Variants in KCNS1 observed in about 807,000 individuals in gnomAD.
The protein encoded by KCNS1 is delayed-rectifier potassium channel regulatory subunit KCNS1.
Under a neutral mutation model 33.1 loss-of-function variants are expected in KCNS1, and 26 were observed. The ratio of observed to expected loss-of-function variants is 0.79; its 90% CI spans 0.58 to 1.09. The LOEUF is 1.09. KCNS1 is among the 50% of genes least tolerant of loss of function. The pLI, the probability that KCNS1 is intolerant of heterozygous loss-of-function variation, is 0.00. For synonymous variants in KCNS1, 299 were observed against 338.8 expected (o/e 0.88, Z 1.29); for missense variants, 702 against 752.4 (o/e 0.93, Z 0.78).
chr20:45,098,581 C>A lies in KCNS1; in HGVS notation c.191G>T (p.Ser64Ile). 1 of 1,383,712 alleles carries A rather than the reference C, an allele frequency of 7.2e-7. No individual in the cohort carries two copies. The highest frequency in any genetic ancestry group is 9.4e-7 in the Non-Finnish European group (1 of 1,065,774). 85.7% of individuals were successfully genotyped at this position (1,383,712 alleles called of 1,614,324 possible). A position where few individuals can be genotyped will look rare whatever the true frequency, so the allele number is the denominator to read the frequency against. The change falls in exon 3 of 4, where the codon AGC becomes ATC. Residue 64 changes from serine (S) to isoleucine (I), a missense_variant. Physicochemically the swap from Ser to Ile is moderately radical, Grantham distance 142. This residue lies in a region of KCNS1 where 374 missense variants were observed against 352.3 expected (regional missense o/e 1.06). Transcript: ENST00000537075. The surrounding 1 kb of genome is among the most constrained non-coding windows in gnomAD (Gnocchi z 5.2). Reference protein sequence around the residue: ...VNVGGVRRQLSARALARFPGT... With the variant: ...VNVGGVRRQLIARALARFPGT... ...CGGGAAGCGCGCCAGGGCGCGCGCG[C>A]TCAGCTGCCGCCGCACGCCACCCAC...
Position 45,098,472 on chromosome 20 carries a change from G to C in KCNS1, c.300C>G (p.Arg100=). The change falls in exon 3 of 4, where the codon CGC becomes CGG. Residue 100 remains arginine, a synonymous_variant. Transcript: ENST00000537075. The surrounding 1 kb of genome is among the most constrained non-coding windows in gnomAD (Gnocchi z 5.2). ...RLCDDYDEAA[R]EFYFDRHPGF... ...CCGGGTGCCGGTCGAAGTAGAATTC[G>C]CGCGCCGCCTCGTCGTAGTCGTCGC... is the stretch of plus-strand genomic sequence containing the variant. 6.4e-7 allele frequency: 1 copy of C among 1,571,470 alleles called. No individual in the cohort carries two copies. The highest frequency in any genetic ancestry group is 8.6e-7 in the Non-Finnish European group (1 of 1,159,698).
chr20:45,098,615 G>A lies in KCNS1; in HGVS notation c.157C>T (p.Arg53Cys). The change falls in exon 3 of 4, where the codon CGC becomes TGC. Residue 53 changes from arginine (R) to cysteine (C), a missense_variant. Arg to Cys is a radical substitution (Grantham distance 180). Transcript: ENST00000537075. The surrounding 1 kb of genome is among the most constrained non-coding windows in gnomAD (Gnocchi z 5.2). ...IRWRRSDEALRVNVGGVRRQL... is the reference protein window; with the variant it reads ...IRWRRSDEALCVNVGGVRRQL... ...CGCCGCACGCCACCCACGTTCACGC[G>A]CAGCGCCTCGTCGCTTCGCCGCCAG... 2.0e-6 allele frequency: 3 copies of A among 1,464,704 alleles called. No homozygotes were observed. The highest frequency in any genetic ancestry group is 2.8e-5 in the East Asian group (1 of 35,796). The allele number at this position is 1,464,704 out of a possible 1,614,324, so 90.7% of individuals were successfully genotyped here. A position where few individuals can be genotyped will look rare whatever the true frequency, so the allele number is the denominator to read the frequency against.
chr20:45,092,612 T>C lies in KCNS1; in HGVS notation c.*2258A>G, dbSNP rs1053143004. 1 of 152,140 alleles carries C rather than the reference T, an allele frequency of 6.6e-6. No homozygotes were observed. The highest frequency in any genetic ancestry group is 2.4e-5 in the African/African-American group (1 of 41,426). The allele number at this position is 152,140 out of a possible 1,614,324, so 9.4% of individuals were successfully genotyped here. A position where few individuals can be genotyped will look rare whatever the true frequency, so the allele number is the denominator to read the frequency against. ...GGAGCAGAGTGTGCAGAAGGGCTGG[T>C]ATGTGTGTGGTGAATTCAAGGGAGG... On this transcript the variant is annotated 3_prime_UTR_variant, in exon 4 of 4. Coordinates refer to ENST00000537075, the MANE Select transcript of KCNS1 (RefSeq NM_001322799.2).
intron 3 of KCNS1, 148 bp from the exon 4 acceptor site, chr20:45,095,488 T>C (rs1294044513): frequency 2.8e-6 from 2 of 704,794 alleles, no homozygotes; most frequent in African/African-American, 3.6e-5. Context: ...GTCCCCTGAC[T>C]TTAAACTAAG....
intron 1 of KCNS1, among the ~76,000 whole-genome samples, chr20:45,099,600 T>C (rs1174010499): frequency 2.6e-5 from 4 of 152,320 alleles, no homozygotes; most frequent in African/African-American, 9.6e-5. Flanking sequence ...GGTGTCACTA[T>C]CTTCTGGAGT....
rs375528670 is a variant in KCNS1, at chr20:45,098,715, G to T, written c.77-20C>A. ...TCCTCCCTGCGGACACCAGAAGGGC[G>T]CGCTGAGGAGTTCCCGGGCTTCCCT... On this transcript the variant is annotated intron_variant, in intron 2 of 3. Coordinates refer to ENST00000537075, the MANE Select transcript of KCNS1 (RefSeq NM_001322799.2). This position sits in a 1 kb window ranked among gnomAD's most constrained non-coding sequence, Gnocchi z 5.2. 63 of 1,372,200 alleles carry T rather than the reference G, an allele frequency of 4.6e-5. 1 individual carries two copies. The highest frequency in any genetic ancestry group is 9.7e-5 in the Admixed American group (3 of 30,998). The allele number at this position is 1,372,200 out of a possible 1,614,324, so 85.0% of individuals were successfully genotyped here. A position where few individuals can be genotyped will look rare whatever the true frequency, so the allele number is the denominator to read the frequency against.
chr20:45,097,842 A>C lies in KCNS1; in HGVS notation c.930T>G (p.Ile310Met). 1 of 1,613,632 alleles carries C rather than the reference A, an allele frequency of 6.2e-7. No individual in the cohort carries two copies. Among genetic ancestry groups the C allele is most frequent in the African/African-American group, 1.3e-5 (1 of 75,056 alleles). ...TGAGATAGAAGGGCAGCACAGACAC[A>C]ATGTCGATGAGGTTGAGCGGGTGGC... ...FFCHPLNLID[I>M]VSVLPFYLTL... Residue 310 changes from isoleucine (I) to methionine (M), a missense_variant, in exon 3 of 4, where the codon ATT becomes ATG. By Grantham distance (10) the Ile-to-Met change is conservative (BLOSUM62 1). Coordinates refer to ENST00000537075, the MANE Select transcript of KCNS1 (RefSeq NM_001322799.2).
chr20:45,098,017 GC>G lies in KCNS1; in HGVS notation c.754del (p.Ala252ProfsTer166). Reference protein sequence around the residue: ...LPEYQAREAAAAVAAVAAGRS... With the variant: ...LPEYQAREAAXAVAAVAAGRS... ...GCCCGCGGCCACCGCAGCCACGGCGGCCGCCGCCTCGCGGGCCTGGTACTCG... is the reference window on the plus strand; with the variant it reads ...GCCCGCGGCCACCGCAGCCACGGCGGCGCCGCCTCGCGGGCCTGGTACTCG... On this transcript the variant is annotated frameshift_variant, in exon 3 of 4. Transcript: ENST00000537075. LOFTEE classifies it high-confidence loss of function. The surrounding 1 kb of genome is among the most constrained non-coding windows in gnomAD (Gnocchi z 5.2). The G allele has an allele frequency of 6.6e-7, 1 of 1,507,092 alleles. No individual in the cohort carries two copies. Among genetic ancestry groups the G allele is most frequent in the South Asian group, 1.3e-5 (1 of 77,722 alleles). 93.4% of individuals were successfully genotyped at this position (1,507,092 alleles called of 1,614,324 possible). A position where few individuals can be genotyped will look rare whatever the true frequency, so the allele number is the denominator to read the frequency against.
At position 45,097,872 on chromosome 20, in the gene KCNS1, G is replaced by A. The variant is rs750568431; in HGVS notation, c.900C>T (p.Phe300=). ...RLLLAPSTRN[F]FCHPLNLIDI... is the part of the protein sequence containing the mutation. ...CGATGAGGTTGAGCGGGTGGCAGAA[G>A]AAGTTGCGCGTACTGGGCGCCAGCA... The change falls in exon 3 of 4, where the codon TTC becomes TTT. Residue 300 remains phenylalanine (F), a synonymous_variant. Transcript: ENST00000537075. 1.9e-5 allele frequency: 30 copies of A among 1,612,550 alleles called. No individual in the cohort carries two copies. Among genetic ancestry groups the A allele is most frequent in the Non-Finnish European group, 2.5e-5 (29 of 1,179,544 alleles).
At chr20:45,099,066 T>G (rs1050495567) in intron 2 of KCNS1, 95 bp downstream of exon 2, 30 of 1,398,312 alleles carry the variant, frequency 2.1e-5, no homozygotes, top group Middle Eastern at 2.5e-4. Context: ...CAGGACAAAC[T>G]TGGATTTATT....
intron 3 of KCNS1, among the ~76,000 whole-genome samples, chr20:45,097,359 T>C (rs1282004121): frequency 6.6e-6 from 1 of 152,244 alleles, no homozygotes; most frequent in Non-Finnish European, 1.5e-5. Flanking sequence ...TGATGTTTGA[T>C]AGATATATCA....
rs183319425 is a variant in KCNS1, at chr20:45,091,783, G to C, written c.*3087C>G. Among the ~76,000 whole-genome samples the C allele has an allele frequency of 3.3e-5, 5 of 152,298 alleles. No individual in the cohort carries two copies. The highest frequency in any genetic ancestry group is 9.6e-5 in the African/African-American group (4 of 41,572). ...GAAGTGAGATCAGAGGCAGAGACTTGAGTGATGCAGCCACAGCCAAGGAAA... is the reference window on the plus strand; with the variant it reads ...GAAGTGAGATCAGAGGCAGAGACTTCAGTGATGCAGCCACAGCCAAGGAAA... On this transcript the variant is annotated 3_prime_UTR_variant, in exon 4 of 4. Transcript: ENST00000537075.
Position 45,095,071 on chromosome 20 carries a change from G to T in KCNS1, c.1380C>A (p.Phe460Leu), listed in dbSNP as rs745696064. 11 of 1,614,052 alleles carry T rather than the reference G, an allele frequency of 6.8e-6. No homozygotes were observed. Among genetic ancestry groups the T allele is most frequent in the Non-Finnish European group, 8.5e-6 (10 of 1,180,014 alleles). ...CCTTCTGGCGCCGGTAGAAGTGGGA[G>T]AACTTGTTGAAGATGATGGTGATGG... is the stretch of plus-strand genomic sequence containing the variant. ...ALPITIIFNK[F>L]SHFYRRQKAL... The change falls in exon 4 of 4, where the codon TTC becomes TTA. Residue 460 changes from phenylalanine to leucine, a missense_variant. Phe to Leu is a conservative substitution (Grantham distance 22). Transcript: ENST00000537075.
Position 45,093,573 on chromosome 20 carries a change from T to A in KCNS1, c.*1297A>T, listed in dbSNP as rs1474465222. ...CCACAGTCAGACAACAACAGCACAG[T>A]GCTGGGTGCTGTAGCCACAGTATGT... On this transcript the variant is annotated 3_prime_UTR_variant, in exon 4 of 4. Coordinates refer to ENST00000537075, the MANE Select transcript of KCNS1 (RefSeq NM_001322799.2). 2.0e-5 allele frequency: 3 copies of A among 152,268 alleles called. No individual in the cohort carries two copies. The highest frequency in any genetic ancestry group is 6.5e-5 in the Admixed American group (1 of 15,292). 9.4% of individuals were successfully genotyped at this position (152,268 alleles called of 1,614,324 possible).
rs746930478 is a variant in KCNS1, at chr20:45,092,687, C to G, written c.*2183G>C. On this transcript the variant is annotated 3_prime_UTR_variant, in exon 4 of 4. Transcript: ENST00000537075. ...CTGTTCCAATCTGGAGACCCAGAAT[C>G]CATGCGTATGTAGGGGGCCCACTAT... The G allele has an allele frequency of 2.0e-5, 3 of 152,096 alleles. No individual in the cohort carries two copies. Among genetic ancestry groups the G allele is most frequent in the Non-Finnish European group, 4.4e-5 (3 of 68,054 alleles). The allele number at this position is 152,096 out of a possible 1,614,324, so 9.4% of individuals were successfully genotyped here. A position where few individuals can be genotyped will look rare whatever the true frequency, so the allele number is the denominator to read the frequency against.
Position 45,097,961 on chromosome 20 carries a change from C to T in KCNS1, c.811G>A (p.Val271Met). The change falls in exon 3 of 4, where the codon GTG (valine) becomes ATG (methionine). Residue 271 changes from valine to methionine, a missense_variant. Val to Met is a conservative substitution (Grantham distance 21, BLOSUM62 1). Coordinates refer to ENST00000537075, the MANE Select transcript of KCNS1 (RefSeq NM_001322799.2). ...RSPEGVRDDP[V>M]LRRLEYFCIA... ...CAGAAGTACTCGAGGCGTCGCAGCA[C>T]CGGGTCGTCGCGCACGCCTTCCGGG... 1 of 1,560,536 alleles carries T rather than the reference C, an allele frequency of 6.4e-7. No homozygotes were observed.
Position 45,094,171 on chromosome 20 carries a change from C to CCCAGGACTCATCCTCCTTCCCT in KCNS1, c.*677_*698dup, listed in dbSNP as rs1191434913. 2.0e-5 allele frequency: 3 copies of CCCAGGACTCATCCTCCTTCCCT among 152,236 alleles called. No homozygotes were observed. The highest frequency in any genetic ancestry group is 7.2e-5 in the African/African-American group (3 of 41,424). 9.4% of individuals were successfully genotyped at this position (152,236 alleles called of 1,614,324 possible). ...CAAGTACAATGCTATGGTACTTCCT[C>CCCAGGACTCATCCTCCTTCCCT]CCAGGACTCATCCTCCTTCCCTCCA... On this transcript the variant is annotated 3_prime_UTR_variant, in exon 4 of 4. Transcript: ENST00000537075.
intron 1 of KCNS1, among the ~76,000 whole-genome samples, chr20:45,099,645 A>C (rs962442905): frequency 6.6e-6 from 1 of 152,172 alleles, no homozygotes; most frequent in Non-Finnish European, 1.5e-5. Context: ...CCCCTGACGC[A>C]CCTGGGGCCT....
rs1981113170 is a variant in KCNS1 at position 45,094,670 on chromosome 20, T to C, written c.*200A>G. The C allele has an allele frequency of 1.7e-6, 1 of 571,816 alleles. No homozygotes were observed. Among genetic ancestry groups the C allele is most frequent in the Non-Finnish European group, 3.1e-6 (1 of 324,192 alleles). 35.4% of individuals were successfully genotyped at this position (571,816 alleles called of 1,614,324 possible). A position where few individuals can be genotyped will look rare whatever the true frequency, so the allele number is the denominator to read the frequency against. On this transcript the variant is annotated 3_prime_UTR_variant, in exon 4 of 4. Coordinates refer to ENST00000537075, the MANE Select transcript of KCNS1 (RefSeq NM_001322799.2). ...TGGCTTGGAGGCAGGTTTATAAAGCTTTCTGAGTTGCTTGCAGAATCTCAC... is the reference window on the plus strand; with the variant it reads ...TGGCTTGGAGGCAGGTTTATAAAGCCTTCTGAGTTGCTTGCAGAATCTCAC...
Sources: gnomAD v4.1 joint callset for allele counts (sites outside exome capture counted in the v4.1 genomes callset) on GRCh38, gnomAD v4.1.1 for gene constraint, gnomAD v4.1.1 regional missense constraint, Gnocchi (gnomAD v3.1) non-coding constraint, MANE v1.5 for transcripts, NCBI Gene and HGNC (gene_info 2026-07-23, HGNC 2026-07-21) for gene names.